Variants in C19orf44 observed in about 807,000 individuals in gnomAD.
The protein encoded by C19orf44 is uncharacterized protein C19orf44.
A neutral mutation model predicts 50.7 loss-of-function variants in C19orf44; 43 were observed. That is an observed-to-expected ratio of 0.85 (90% CI 0.66 to 1.09). The LOEUF (loss-of-function observed/expected upper bound fraction) is 1.09, where lower values mean the gene tolerates loss of function less well. C19orf44 is among the 50% of genes least tolerant of loss of function. The pLI is 0.00. For synonymous variants in C19orf44, 298 were observed against 334.7 expected, an observed-to-expected ratio of 0.89 and a Z score of 1.20; for missense variants, 722 against 836.2, an observed-to-expected ratio of 0.86 and a Z score of 1.68.
intron 4 of C19orf44, among the ~76,000 whole-genome samples, chr19:16,507,991 G>A (rs2093445256): frequency 6.6e-6 from 1 of 151,700 alleles, no homozygotes; most frequent in African/African-American, 2.4e-5. Context: ...ATTTTTAGTA[G>A]AGATGGGGTT....
chr19:16,503,077 C>A lies in C19orf44; in HGVS notation c.772C>A (p.Leu258Met). ...ERKLFSVPSQ[L>M]RAFTVPSVEL... ...TGTTTTATATCAGGTCCCATCTCAA[C>A]TGAGAGCATTTACTGTACCCAGCGT... is the stretch of plus-strand genomic sequence containing the variant. The change falls in exon 3 of 9, where the codon CTG (leucine) becomes ATG (methionine). Residue 258 changes from leucine (L) to methionine (M), a missense_variant. Coordinates refer to ENST00000221671, the MANE Select transcript of C19orf44 (RefSeq NM_032207.4). 1 of 1,612,536 alleles carries A rather than the reference C, an allele frequency of 6.2e-7. No individual in the cohort carries two copies. The highest frequency in any genetic ancestry group is 8.5e-7 in the Non-Finnish European group (1 of 1,178,854).
At position 16,514,583 on chromosome 19, in the gene C19orf44, A is replaced by G; in HGVS notation, c.1822A>G (p.Ser608Gly). The G allele has an allele frequency of 6.2e-7, 1 of 1,609,146 alleles. No homozygotes were observed. The highest frequency in any genetic ancestry group is 8.5e-7 in the Non-Finnish European group (1 of 1,178,666). Reference protein sequence around the residue: ...LSLTQQFIQASRHLHASLLRS... With the variant: ...LSLTQQFIQAGRHLHASLLRS... Reference sequence around the variant, plus strand: ...CCTGACGCAGCAGTTCATCCAGGCCAGCCGGCACCTGCACGCCTCCCTCCT... The same window carrying G: ...CCTGACGCAGCAGTTCATCCAGGCCGGCCGGCACCTGCACGCCTCCCTCCT... The change falls in exon 7 of 9, where the codon AGC (serine) becomes GGC (glycine). Residue 608 changes from serine (S) to glycine (G), a missense_variant. Transcript: ENST00000221671.
Position 16,510,665 on chromosome 19 carries a change from C to T in C19orf44, c.1639+677C>T, listed in dbSNP as rs1445687473. 4.6e-5 allele frequency among the ~76,000 whole-genome samples: 7 copies of T among 152,108 alleles called. No homozygotes were observed. In the East Asian group the frequency reaches 1.2e-3, roughly 25 times the overall value. On this transcript the variant is annotated intron_variant, in intron 5 of 8. Transcript: ENST00000221671. ...AGGCCAGGGGTGCTATTCCACACCC[C>T]GCAGTGCACAGGATGCCTTTGTCCT... is the stretch of plus-strand genomic sequence containing the variant.
rs2303119 is a variant in C19orf44, at chr19:16,520,511, T to C, written c.*458T>C. The C allele has an allele frequency of 0.36, 582,730 of 1,610,342 alleles. 112,584 individuals are homozygous for C. Among genetic ancestry groups the C allele is most frequent in the African/African-American group, 0.72 (54,064 of 74,882 alleles). On this transcript the variant is annotated 3_prime_UTR_variant, in exon 9 of 9. Coordinates refer to ENST00000221671, the MANE Select transcript of C19orf44 (RefSeq NM_032207.4). This position sits in a 1 kb window ranked among gnomAD's most constrained non-coding sequence, Gnocchi z 4.0. ...GCTCCGAGACCTCGAGGGTCCGCTG[T>C]GGGGAGAGGCCTGATGATCAGGTGC...
chr19:16,507,811 A>ATTC (rs2093444758), intron 4 of C19orf44, among the ~76,000 whole-genome samples: 1 of 147,838 alleles, frequency 6.8e-6, no homozygotes, highest in Non-Finnish European at 1.5e-5. Flanking sequence ...TATTATTATT[A>ATTC]TTATTATTTT....
rs1387812448 is a variant in C19orf44, at chr19:16,509,690, C to T, written c.1341C>T (p.Asp447=). 6.2e-7 allele frequency: 1 copy of T among 1,614,246 alleles called. No individual in the cohort carries two copies. The highest frequency in any genetic ancestry group is 8.5e-7 in the Non-Finnish European group (1 of 1,180,052). Reference sequence around the variant, plus strand: ...GCTCGGCTTCTGCCATCCAGCAGGACAGCACTTCCAGCATGCAGCCACCAT... The same window carrying T: ...GCTCGGCTTCTGCCATCCAGCAGGATAGCACTTCCAGCATGCAGCCACCAT... ...SASSASAIQQ[D]STSSMQPPSE... The change falls in exon 5 of 9, where the codon GAC becomes GAT. Residue 447 remains aspartate, a synonymous_variant. Coordinates refer to ENST00000221671, the MANE Select transcript of C19orf44 (RefSeq NM_032207.4).
Position 16,520,102 on chromosome 19 carries a change from C to T in C19orf44, c.*49C>T, listed in dbSNP as rs751380535. 90 of 1,574,400 alleles carry T rather than the reference C, an allele frequency of 5.7e-5. 1 individual carries two copies. The South Asian group carries it at 9.1e-4, about 16-fold the overall frequency. ...TGTTTCCACATTCACAGCAAAGCAC[C>T]GCAGCTTCCCAGAGTTACCAGCGCA... is the stretch of plus-strand genomic sequence containing the variant. On this transcript the variant is annotated 3_prime_UTR_variant, in exon 9 of 9. Transcript: ENST00000221671. This position sits in a 1 kb window ranked among gnomAD's most constrained non-coding sequence, Gnocchi z 4.0.
In C19orf44 at chr19:16,519,133, A is replaced by G. The variant is rs749596423; in HGVS notation, c.*41-961A>G. ...GGTCCCACAGCCGGCACCGCTGGCCACCGGCGCGGCTCCCGGCATGGGCGC... is the reference window on the plus strand; with the variant it reads ...GGTCCCACAGCCGGCACCGCTGGCCGCCGGCGCGGCTCCCGGCATGGGCGC... On this transcript the variant is annotated intron_variant, in intron 8 of 8. Transcript: ENST00000221671. This position sits in a 1 kb window ranked among gnomAD's most constrained non-coding sequence, Gnocchi z 6.0. The G allele has an allele frequency of 2.0e-5, 32 of 1,600,228 alleles. No homozygotes were observed. Among genetic ancestry groups the G allele is most frequent in the Non-Finnish European group, 2.6e-5 (30 of 1,173,682 alleles).
At chr19:16,515,336 G>A (rs928346068) in intron 7 of C19orf44, among the ~76,000 whole-genome samples, 5 of 152,148 alleles carry the variant, frequency 3.3e-5, no homozygotes, top group Non-Finnish European at 5.9e-5. Context: ...ACTCCAGCTC[G>A]GGTGACGAGC....
chr19:16,499,162 C>A (rs2093417939), intron 1 of C19orf44, among the ~76,000 whole-genome samples: 1 of 152,178 alleles, frequency 6.6e-6, no homozygotes, highest in Admixed American at 6.5e-5. Flanking sequence ...TGTTCTCTGA[C>A]CCCTGTGGTC....
At position 16,519,765 on chromosome 19, in the gene C19orf44, T is replaced by TG; in HGVS notation, c.*41-327dup. 1.3e-6 allele frequency: 2 copies of TG among 1,489,782 alleles called. No individual in the cohort carries two copies. Among genetic ancestry groups the TG allele is most frequent in the Middle Eastern group, 3.4e-4 (2 of 5,806 alleles). 92.3% of individuals were successfully genotyped at this position (1,489,782 alleles called of 1,614,324 possible). On this transcript the variant is annotated intron_variant, in intron 8 of 8. Coordinates refer to ENST00000221671, the MANE Select transcript of C19orf44 (RefSeq NM_032207.4). The surrounding 1 kb of genome is among the most constrained non-coding windows in gnomAD (Gnocchi z 6.0). ...TTTAAGAAGTAACTGAGACATTTAT[T>TG]GGAATGACAGTGATGAGGACCTCAC...
intron 1 of C19orf44, among the ~76,000 whole-genome samples, chr19:16,499,055 T>C (rs1343904845): frequency 6.6e-6 from 1 of 152,112 alleles, no homozygotes. Context: ...TAATTGTTAT[T>C]TTTACAGATG....
At position 16,513,066 on chromosome 19, in the gene C19orf44, G is replaced by A. The variant is rs200025220; in HGVS notation, c.1692G>A (p.Pro564=). ...CCCTGGGAGGCGCCTACGTGGACCC[G>A]ACACCCATCGCCAATCATGTTATCA... is the stretch of plus-strand genomic sequence containing the variant. ...GPALGGAYVD[P]TPIANHVISA... is the part of the protein sequence containing the mutation. Residue 564 remains proline, a synonymous_variant, in exon 6 of 9, where the codon CCG becomes CCA. Coordinates refer to ENST00000221671, the MANE Select transcript of C19orf44 (RefSeq NM_032207.4). 1.9e-5 allele frequency: 31 copies of A among 1,613,686 alleles called. No homozygotes were observed. Among genetic ancestry groups the A allele is most frequent in the Non-Finnish European group, 1.2e-5 (14 of 1,180,014 alleles).
In C19orf44 at chr19:16,517,119, G is replaced by A. The variant is rs959399677; in HGVS notation, c.1903-111G>A. The A allele has an allele frequency of 5.0e-6, 5 of 992,168 alleles. No individual in the cohort carries two copies. The African/African-American group carries it at 8.1e-5, about 16-fold the overall frequency. 61.5% of individuals were successfully genotyped at this position (992,168 alleles called of 1,614,324 possible). ...CCTGTGGTTTTACACTTCTGTCACT[G>A]ACAGGAGCCTGCTGGGGACAGGTGC... On this transcript the variant is annotated intron_variant, in intron 7 of 8. Coordinates refer to ENST00000221671, the MANE Select transcript of C19orf44 (RefSeq NM_032207.4).
chr19:16,504,623 GTTTT>G (rs2093435191), intron 3 of C19orf44, among the ~76,000 whole-genome samples: 5 of 150,698 alleles, frequency 3.3e-5, no homozygotes, highest in African/African-American at 1.2e-4. Context: ...TTGTTTGTTT[GTTTT>G]TTTGAGATGT....
intron 6 of C19orf44, among the ~76,000 whole-genome samples, chr19:16,513,797 A>G (rs2093464340): frequency 6.6e-6 from 1 of 152,084 alleles, no homozygotes; most frequent in African/African-American, 2.4e-5. Context: ...GCCTGGGTAG[A>G]CATTCCCTTG....
chr19:16,498,326 C>G (rs182066215), intron 1 of C19orf44, among the ~76,000 whole-genome samples: 1 of 152,208 alleles, frequency 6.6e-6, no homozygotes, highest in African/African-American at 2.4e-5. Flanking sequence ...CCCTATCATC[C>G]GGGCTGGAGT....
chr19:16,514,729 C>T (rs1231980576), intron 7 of C19orf44, 66 bp downstream of exon 7: 42 of 1,442,888 alleles, frequency 2.9e-5, no homozygotes, highest in Non-Finnish European at 3.6e-5. Flanking sequence ...GAGGCCGGGC[C>T]GAAGGGATAT....
chr19:16,521,029 G>T lies in C19orf44; in HGVS notation c.*976G>T. ...GGAGAGTACATGGCCCTGTGGCTGT[G>T]GGCTCCGAGCATGGGCGCAGTAGAG... On this transcript the variant is annotated 3_prime_UTR_variant, in exon 9 of 9. Transcript: ENST00000221671. The T allele has an allele frequency of 1.1e-6, 1 of 879,046 alleles. No homozygotes were observed. The highest frequency in any genetic ancestry group is 1.9e-6 in the Non-Finnish European group (1 of 535,294). The allele number at this position is 879,046 out of a possible 1,614,324, so 54.5% of individuals were successfully genotyped here.
Sources: gnomAD v4.1 joint callset for allele counts (sites outside exome capture counted in the v4.1 genomes callset) on GRCh38, gnomAD v4.1.1 for gene constraint, Gnocchi (gnomAD v3.1) non-coding constraint, MANE v1.5 for transcripts, NCBI Gene and HGNC (gene_info 2026-07-23, HGNC 2026-07-21) for gene names.